The following RAB21 variants were observed in gnomAD, a reference collection of about 807,000 sequenced individuals.
RAB21 encodes RAB21, member RAS oncogene family, also known as ras-related protein Rab-21.
RAB21 carries 13 observed loss-of-function variants against 33.1 expected under a neutral mutation model. The observed-to-expected ratio is 0.39, with a 90% CI of 0.26 to 0.62. The LOEUF is 0.62. RAB21 is among the 20% of genes least tolerant of loss of function. The probability of loss-of-function intolerance (pLI) is 0.48; values close to 1 mark genes in which losing one functional copy is unlikely to be tolerated. For missense variants in RAB21, 234 were observed against 279.1 expected, an observed-to-expected ratio of 0.84 and a Z score of 1.15; for synonymous variants, 91 against 103.7, an observed-to-expected ratio of 0.88 and a Z score of 0.74.
intron 1 of RAB21, among the ~76,000 whole-genome samples, chr12:71,765,670 G>A (rs1216424736): frequency 1.3e-5 from 2 of 151,998 alleles, no homozygotes; most frequent in Non-Finnish European, 2.9e-5. Context: ...TTCTACATGT[G>A]GCTTGCCAGT....
At chr12:71,764,122 C>T (rs191747829) in intron 1 of RAB21, among the ~76,000 whole-genome samples, 2 of 151,966 alleles carry the variant, frequency 1.3e-5, no homozygotes, top group Non-Finnish European at 2.9e-5. Context: ...ATGTTACTCT[C>T]CCTCCTTCCG....
intron 1 of RAB21, among the ~76,000 whole-genome samples, chr12:71,757,565 A>G (rs1022380079): frequency 1.3e-5 from 2 of 152,224 alleles, no homozygotes; most frequent in African/African-American, 4.8e-5. Context: ...TAATATCTGA[A>G]TTATATTATA....
rs1268359839 is a variant in RAB21, at chr12:71,788,298, A to T, written c.*2625A>T. On this transcript the variant is annotated 3_prime_UTR_variant, in exon 7 of 7. Transcript: ENST00000261263. ...TTGGTGGGTCATAACTATTCTTCAT[A>T]TTTTTTTTTTCTTTTTTCTCCTTTG... The T allele has an allele frequency of 6.7e-6, 1 of 149,814 alleles. No homozygotes were observed. Among genetic ancestry groups the T allele is most frequent in the African/African-American group, 2.5e-5 (1 of 40,740 alleles). 9.3% of individuals were successfully genotyped at this position (149,814 alleles called of 1,614,324 possible).
At chr12:71,757,317 C>G (rs1276615165) in intron 1 of RAB21, among the ~76,000 whole-genome samples, 4 of 152,100 alleles carry the variant, frequency 2.6e-5, no homozygotes, top group Non-Finnish European at 4.4e-5. Flanking sequence ...ACCATGTTGT[C>G]CAGACAGGTC....
At chr12:71,772,100 A>G (rs953772019) in intron 3 of RAB21, among the ~76,000 whole-genome samples, 2 of 152,160 alleles carry the variant, frequency 1.3e-5, no homozygotes, top group Admixed American at 1.3e-4. Flanking sequence ...CTGTGGGTTG[A>G]CCAGGCAGGT....
intron 1 of RAB21, among the ~76,000 whole-genome samples, chr12:71,760,189 ACAAAG>A (rs1340431882): frequency 1.3e-5 from 2 of 152,234 alleles, no homozygotes; most frequent in African/African-American, 4.8e-5. Context: ...TATTTTTAAA[ACAAAG>A]CAAATCCATT....
In RAB21 at chr12:71,794,374, AAAAAC is replaced by A. The variant is rs1391349920; in HGVS notation, c.*8717_*8721del. The A allele has an allele frequency of 2.4e-3, 351 of 143,354 alleles. 2 individuals are homozygous for A. Among genetic ancestry groups the A allele is most frequent in the Middle Eastern group, 3.7e-3 (1 of 270 alleles). The allele number at this position is 143,354 out of a possible 1,614,324, so 8.9% of individuals were successfully genotyped here. A position where few individuals can be genotyped will look rare whatever the true frequency, so the allele number is the denominator to read the frequency against. ...AACATGGTGAAACCCTGTCTCTACT[AAAAAC>A]AAAACAAAACAAAACCATATATATA... is the stretch of plus-strand genomic sequence containing the variant. On this transcript the variant is annotated 3_prime_UTR_variant, in exon 7 of 7. Coordinates refer to ENST00000261263, the MANE Select transcript of RAB21 (RefSeq NM_014999.4).
At chr12:71,766,771 C>T (rs148019847) in intron 1 of RAB21, among the ~76,000 whole-genome samples, 82 of 152,012 alleles carry the variant, frequency 5.4e-4, no homozygotes, top group African/African-American at 1.9e-3. Flanking sequence ...AGATAGAGAA[C>T]AGAGAATAGG....
intron 4 of RAB21, among the ~76,000 whole-genome samples, chr12:71,774,862 G>T (rs11178942): frequency 3.3e-5 from 5 of 150,632 alleles, no homozygotes; most frequent in African/African-American, 1.2e-4. Context: ...AACAGTTGGG[G>T]CTTCAAGTTT....
Position 71,796,635 on chromosome 12 carries a change from A to G in RAB21, c.*10962A>G, listed in dbSNP as rs1295022404. The G allele has an allele frequency of 7.3e-6, 1 of 136,882 alleles. No individual in the cohort carries two copies. Among genetic ancestry groups the G allele is most frequent in the Admixed American group, 7.5e-5 (1 of 13,270 alleles). The allele number at this position is 136,882 out of a possible 1,614,324, so 8.5% of individuals were successfully genotyped here. ...CTATTTCAGTGATTGGTTTGGATCT[A>G]CTTAATTTTAAGCTTTACTGGTCAT... On this transcript the variant is annotated 3_prime_UTR_variant, in exon 7 of 7. Transcript: ENST00000261263.
Position 71,769,782 on chromosome 12 carries a change from GT to G in RAB21, c.160-15del. On this transcript the variant is annotated splice_polypyrimidine_tract_variant and intron_variant, in intron 1 of 6. Coordinates refer to ENST00000261263, the MANE Select transcript of RAB21 (RefSeq NM_014999.4). ...TATTTTATAAGAAACATTGTTTAAT[GT>G]TTATTTCTCTTTTTAGGCATCATTC... 7.9e-7 allele frequency: 1 copy of G among 1,263,382 alleles called. No individual in the cohort carries two copies. The highest frequency in any genetic ancestry group is 1.1e-6 in the Non-Finnish European group (1 of 933,122). 78.3% of individuals were successfully genotyped at this position (1,263,382 alleles called of 1,614,324 possible).
intron 1 of RAB21, 93 bp from the exon 2 acceptor site, chr12:71,769,707 T>C: frequency 3.5e-6 from 2 of 575,144 alleles, no homozygotes; most frequent in Non-Finnish European, 5.8e-6. Flanking sequence ...CCCAGATAAC[T>C]TTTACATTGA....
Position 71,786,826 on chromosome 12 carries a change from TTTTG to T in RAB21, c.*1160_*1163del, listed in dbSNP as rs1248711379. 1 of 152,226 alleles carries T rather than the reference TTTTG, an allele frequency of 6.6e-6. No homozygotes were observed. The highest frequency in any genetic ancestry group is 1.5e-5 in the Non-Finnish European group (1 of 68,022). 9.4% of individuals were successfully genotyped at this position (152,226 alleles called of 1,614,324 possible). Reference sequence around the variant, plus strand: ...AGCAGTAGCATTTGCCTTTTGGGTTTTTTGTTTGTTATTATAGAAGAGATGACTT... The same window carrying T: ...AGCAGTAGCATTTGCCTTTTGGGTTTTTTGTTATTATAGAAGAGATGACTT... On this transcript the variant is annotated 3_prime_UTR_variant, in exon 7 of 7. Transcript: ENST00000261263.
rs71068802 is a variant in RAB21, at chr12:71,794,427, ATTTTTTTTTTTTTT to A, written c.*8770_*8783del. 1.1e-4 allele frequency: 3 copies of A among 27,968 alleles called. No homozygotes were observed. The highest frequency in any genetic ancestry group is 1.1e-3 in the East Asian group (1 of 902). 1.7% of individuals were successfully genotyped at this position (27,968 alleles called of 1,614,324 possible). A position where few individuals can be genotyped will look rare whatever the true frequency, so the allele number is the denominator to read the frequency against. ...ATATTATATATATATATATATATAT[ATTTTTTTTTTTTTT>A]TTTTTTTTTTTTTTTGAGACGGAGT... is the stretch of plus-strand genomic sequence containing the variant. On this transcript the variant is annotated 3_prime_UTR_variant, in exon 7 of 7. Transcript: ENST00000261263.
intron 6 of RAB21, among the ~76,000 whole-genome samples, chr12:71,785,096 C>G (rs553820709): frequency 1.3e-5 from 2 of 152,218 alleles, no homozygotes; most frequent in East Asian, 1.9e-4. Flanking sequence ...GACCCTGTCT[C>G]TCAAAACTAA....
chr12:71,785,453 T>C, intron 6 of RAB21, 78 bp from the exon 7 acceptor site: 1 of 1,499,254 alleles, frequency 6.7e-7, no homozygotes. Context: ...ATAGCTATCA[T>C]AGTGTTATAC....
chr12:71,761,043 TAAA>T (rs879464307), intron 1 of RAB21, among the ~76,000 whole-genome samples: 1 of 139,434 alleles, frequency 7.2e-6, no homozygotes. Flanking sequence ...CATCTCTAGT[TAAA>T]AAAAAAAAAA....
rs1319445748 is a variant in RAB21 at position 71,794,251 on chromosome 12, A to G, written c.*8578A>G. On this transcript the variant is annotated 3_prime_UTR_variant, in exon 7 of 7. Coordinates refer to ENST00000261263, the MANE Select transcript of RAB21 (RefSeq NM_014999.4). ...AAAGAAAAAAGAAAAAAAAAAGTTA[A>G]AAGTTGTGGCATGGTGGCTCACGCC... The G allele has an allele frequency of 1.3e-5, 2 of 149,398 alleles. No individual in the cohort carries two copies. The highest frequency in any genetic ancestry group is 2.1e-4 in the South Asian group (1 of 4,684). The allele number at this position is 149,398 out of a possible 1,614,324, so 9.3% of individuals were successfully genotyped here.
intron 1 of RAB21, among the ~76,000 whole-genome samples, chr12:71,765,983 T>G (rs1451249055): frequency 6.6e-6 from 1 of 152,152 alleles, no homozygotes; most frequent in African/African-American, 2.4e-5. Context: ...TGAGATGATT[T>G]ACGAAACAGA....
Sources: gnomAD v4.1 joint callset for allele counts (sites outside exome capture counted in the v4.1 genomes callset) on GRCh38, gnomAD v4.1.1 for gene constraint, MANE v1.5 for transcripts, NCBI Gene and HGNC (gene_info 2026-07-23, HGNC 2026-07-21) for gene names.